LRRC1: variants seen among roughly 807,000 people sequenced by gnomAD.
The protein encoded by LRRC1 is leucine rich repeat containing 1, also known as leucine-rich repeat-containing protein 1.
In LRRC1, 28 loss-of-function variants were observed where a neutral mutation model predicts 69.9. The ratio of observed to expected loss-of-function variants is 0.40; its 90% CI spans 0.30 to 0.55. LRRC1 has a LOEUF of 0.55. LRRC1 is among the 20% of genes least tolerant of loss of function. The probability of loss-of-function intolerance (pLI) is 0.47; values close to 1 mark genes in which losing one functional copy is unlikely to be tolerated. For synonymous variants in LRRC1, 236 were observed against 240.2 expected, an observed-to-expected ratio of 0.98 and a Z score of 0.16; for missense variants, 498 against 609.0, an observed-to-expected ratio of 0.82 and a Z score of 1.92.
At position 53,879,019 on chromosome 6, in the gene LRRC1, T is replaced by G. The variant is rs1278284294; in HGVS notation, c.304T>G (p.Ser102Ala). 9 of 1,612,888 alleles carry G rather than the reference T, an allele frequency of 5.6e-6. No homozygotes were observed. Among genetic ancestry groups the G allele is most frequent in the Non-Finnish European group, 7.6e-6 (9 of 1,179,298 alleles). The change falls in exon 3 of 14, where the codon TCA becomes GCA. Residue 102 changes from serine (S) to alanine (A), a missense_variant. Coordinates refer to ENST00000370888, the MANE Select transcript of LRRC1 (RefSeq NM_018214.5). ...NEIPEIPESI[S>A]FCKALQVADF... ...GATTCCTGAAATTCCAGAAAGCATT[T>G]CATTCTGTAAAGCACTGCAGGTAGC...
At chr6:53,876,387 C>G (rs1181523618) in intron 2 of LRRC1, among the ~76,000 whole-genome samples, 1 of 152,110 alleles carries the variant, frequency 6.6e-6, no homozygotes, top group African/African-American at 2.4e-5. Flanking sequence ...CTGCCCCTGG[C>G]CCCTCCCAAA....
At chr6:53,847,207 A>G (rs1765976087) in intron 2 of LRRC1, among the ~76,000 whole-genome samples, 1 of 152,188 alleles carries the variant, frequency 6.6e-6, no homozygotes, top group South Asian at 2.1e-4. Flanking sequence ...TGTTACATTT[A>G]TCTTTTGTAT....
At chr6:53,796,357 G>T (rs1215611622) in intron 1 of LRRC1, among the ~76,000 whole-genome samples, 4 of 152,180 alleles carry the variant, frequency 2.6e-5, no homozygotes, top group African/African-American at 9.7e-5. Flanking sequence ...TAACCCCTCG[G>T]GGAAGGTGTC....
intron 1 of LRRC1, among the ~76,000 whole-genome samples, chr6:53,800,193 A>G (rs1323259551): frequency 6.6e-6 from 1 of 151,594 alleles, no homozygotes; most frequent in Admixed American, 6.6e-5. Context: ...GATGTCTAAC[A>G]TCTTTCTGGA....
intron 10 of LRRC1, among the ~76,000 whole-genome samples, chr6:53,910,878 G>A (rs892776844): frequency 6.6e-6 from 1 of 152,212 alleles, no homozygotes; most frequent in Non-Finnish European, 1.5e-5. Context: ...GGGTTTGAAT[G>A]CTTAATAATC....
At chr6:53,910,186 T>C (rs1768365116) in intron 10 of LRRC1, among the ~76,000 whole-genome samples, 1 of 152,176 alleles carries the variant, frequency 6.6e-6, no homozygotes, top group Admixed American at 6.5e-5. Context: ...TCAGCTATAT[T>C]CCATAATTCT....
intron 4 of LRRC1, among the ~76,000 whole-genome samples, chr6:53,888,170 A>T (rs1381085234): frequency 6.6e-6 from 1 of 152,176 alleles, no homozygotes; most frequent in East Asian, 1.9e-4. Context: ...CAAGCCACAC[A>T]CTTTGTGTTT....
intron 2 of LRRC1, among the ~76,000 whole-genome samples, chr6:53,851,234 T>C (rs1766123705): frequency 6.6e-6 from 1 of 151,440 alleles, no homozygotes; most frequent in African/African-American, 2.4e-5. Context: ...AAATCATATA[T>C]ATATGAATCT....
intron 1 of LRRC1, among the ~76,000 whole-genome samples, chr6:53,834,657 A>T (rs529055688): frequency 2.3e-4 from 35 of 152,190 alleles, no homozygotes; most frequent in African/African-American, 8.4e-4. Context: ...AACTAGAGAT[A>T]AAAAAAACTC....
intron 1 of LRRC1, among the ~76,000 whole-genome samples, chr6:53,835,489 C>T (rs936417226): frequency 2.0e-5 from 3 of 152,134 alleles, no homozygotes; most frequent in African/African-American, 7.2e-5. Flanking sequence ...ACACCTCTAC[C>T]AAACACACTG....
chr6:53,832,256 C>T (rs1765448246), intron 1 of LRRC1, among the ~76,000 whole-genome samples: 2 of 152,244 alleles, frequency 1.3e-5, no homozygotes, highest in South Asian at 4.1e-4. Context: ...TTATGATTTT[C>T]ATTTTCTACC....
At chr6:53,831,847 G>A (rs990576446) in intron 1 of LRRC1, among the ~76,000 whole-genome samples, 8 of 152,108 alleles carry the variant, frequency 5.3e-5, no homozygotes, top group Admixed American at 3.9e-4. Flanking sequence ...GGGTGGTATC[G>A]ACGTATTTGC....
intron 10 of LRRC1, among the ~76,000 whole-genome samples, chr6:53,910,067 CA>C (rs1768362360): frequency 6.6e-6 from 1 of 152,034 alleles, no homozygotes; most frequent in African/African-American, 2.4e-5. Context: ...GAGGTTTGCT[CA>C]ATAATCTGCA....
At chr6:53,887,562 A>G (rs1767529925) in intron 4 of LRRC1, among the ~76,000 whole-genome samples, 1 of 152,012 alleles carries the variant, frequency 6.6e-6, no homozygotes, top group Admixed American at 6.5e-5. Flanking sequence ...GAGCTTTATT[A>G]GCTTCCTCTG....
chr6:53,832,428 G>A (rs558141631), intron 1 of LRRC1, among the ~76,000 whole-genome samples: 1 of 152,114 alleles, frequency 6.6e-6, no homozygotes. Flanking sequence ...TGGATAAATT[G>A]TATTGAATCC....
chr6:53,917,041 T>C (rs1768587599), intron 11 of LRRC1, among the ~76,000 whole-genome samples: 2 of 152,312 alleles, frequency 1.3e-5, no homozygotes, highest in Admixed American at 6.5e-5. Context: ...GTTGATTCTG[T>C]TTATTCTGTA....
At position 53,859,593 on chromosome 6, in the gene LRRC1, G is replaced by A. The variant is rs117043178; in HGVS notation, c.277+17366G>A. 2.0e-3 allele frequency among the ~76,000 whole-genome samples: 305 copies of A among 152,076 alleles called. 3 individuals are homozygous for A. In the East Asian group the frequency reaches 0.041, roughly 20 times the overall value. ...GTCCGTGGAACAATGGCTTTACTAC[G>A]TCCAGAAAATTATTTTTGCCCAGTT... On this transcript the variant is annotated intron_variant, in intron 2 of 13. Coordinates refer to ENST00000370888, the MANE Select transcript of LRRC1 (RefSeq NM_018214.5).
At chr6:53,843,669 C>T (rs962542991) in intron 2 of LRRC1, among the ~76,000 whole-genome samples, 4 of 152,002 alleles carry the variant, frequency 2.6e-5, no homozygotes, top group East Asian at 1.9e-4. Context: ...GTAAGGAAGG[C>T]GGGGTGGAAT....
At chr6:53,858,247 G>T (rs1337982859) in intron 2 of LRRC1, among the ~76,000 whole-genome samples, 1 of 151,738 alleles carries the variant, frequency 6.6e-6, no homozygotes, top group Non-Finnish European at 1.5e-5. Flanking sequence ...GTGTTTCCAA[G>T]TTTATTTCAC....
Sources: allele counts gnomAD v4.1 joint callset (sites outside exome capture counted in the v4.1 genomes callset), GRCh38; gene constraint gnomAD v4.1.1; transcripts MANE v1.5; gene names NCBI Gene and HGNC (gene_info 2026-07-23, HGNC 2026-07-21).